NRXN3: variants seen among roughly 807,000 people sequenced by gnomAD.
The protein encoded by NRXN3 is neurexin 3, also known as neurexin III.
In NRXN3, 32 loss-of-function variants were observed where a neutral mutation model predicts 137.6. That is an observed-to-expected ratio of 0.23 (90% confidence interval 0.18 to 0.31). NRXN3 has a LOEUF of 0.31. Among genes scored for constraint, NRXN3 ranks in the 10% least tolerant of loss-of-function variants. The pLI is 1.00. For missense variants in NRXN3, 1,574 were observed against 2,062.5 expected (o/e 0.76, Z 4.59); for synonymous variants, 798 against 784.5 (o/e 1.02, Z -0.29).
At chr14:78,608,365 A>G (rs1483955114) in intron 4 of NRXN3, among the ~76,000 whole-genome samples, 3 of 152,256 alleles carry the variant, frequency 2.0e-5, no homozygotes. Flanking sequence ...TACCATGGTT[A>G]TCATCCAAAG....
At chr14:79,009,794 A>G (rs1036245332) in intron 15 of NRXN3, among the ~76,000 whole-genome samples, 14 of 152,104 alleles carry the variant, frequency 9.2e-5, no homozygotes, top group African/African-American at 3.4e-4. Flanking sequence ...CAGACAGGTG[A>G]CCAGTTCAAC....
At chr14:78,510,357 G>A (rs1226189957) in intron 4 of NRXN3, among the ~76,000 whole-genome samples, 1 of 152,064 alleles carries the variant, frequency 6.6e-6, no homozygotes, top group Non-Finnish European at 1.5e-5. Context: ...GTTATTCAGA[G>A]TTTAATCCTC....
At chr14:78,971,629 T>C (rs1447533575) in intron 14 of NRXN3, among the ~76,000 whole-genome samples, 2 of 152,148 alleles carry the variant, frequency 1.3e-5, no homozygotes, top group African/African-American at 2.4e-5. Context: ...TTATTTATTT[T>C]ATTGATTGAG....
At chr14:78,661,924 C>G (rs922290847) in intron 6 of NRXN3, among the ~76,000 whole-genome samples, 1 of 147,398 alleles carries the variant, frequency 6.8e-6, no homozygotes, top group African/African-American at 2.5e-5. Flanking sequence ...GTGTCTTGCT[C>G]TGTCGTCCAG....
intron 4 of NRXN3, among the ~76,000 whole-genome samples, chr14:78,486,552 C>A (rs1346698271): frequency 2.0e-5 from 3 of 152,102 alleles, no homozygotes; most frequent in Non-Finnish European, 2.9e-5. Context: ...TTAACCCTTG[C>A]GATGGCCTCC....
chr14:78,730,986 C>T (rs1462044015), intron 8 of NRXN3, among the ~76,000 whole-genome samples: 2 of 152,152 alleles, frequency 1.3e-5, no homozygotes, highest in African/African-American at 4.8e-5. Context: ...TCTTTTTCCC[C>T]TTTCTTCCTC....
chr14:78,579,473 C>T (rs184450973), intron 4 of NRXN3, among the ~76,000 whole-genome samples: 30 of 151,632 alleles, frequency 2.0e-4, no homozygotes, highest in East Asian at 1.7e-3. Context: ...TGTTTAAGAC[C>T]GCAGTGAGAT....
At chr14:79,717,608 T>C (rs1265600308) in intron 19 of NRXN3, among the ~76,000 whole-genome samples, 2 of 152,202 alleles carry the variant, frequency 1.3e-5, no homozygotes, top group African/African-American at 2.4e-5. Flanking sequence ...CTTTAAATTA[T>C]AAATGTCTCT....
intron 1 of NRXN3, among the ~76,000 whole-genome samples, chr14:78,177,340 G>A (rs559269460): frequency 6.6e-6 from 1 of 152,258 alleles, no homozygotes; most frequent in Admixed American, 6.5e-5. Flanking sequence ...ACCTTGAATG[G>A]GAGAAGGATT....
chr14:78,830,341 G>A (rs1371042800), intron 10 of NRXN3, among the ~76,000 whole-genome samples: 1 of 152,034 alleles, frequency 6.6e-6, no homozygotes, highest in Non-Finnish European at 1.5e-5. Flanking sequence ...ATATGATAAA[G>A]GTACTTGTCA....
At chr14:78,273,684 A>G (rs932719051) in intron 2 of NRXN3, among the ~76,000 whole-genome samples, 1 of 152,192 alleles carries the variant, frequency 6.6e-6, no homozygotes. Context: ...GTGTGTATAC[A>G]TATGTGTGTA....
chr14:78,901,311 CTATCACA>C (rs1449452308), intron 10 of NRXN3, among the ~76,000 whole-genome samples: 1 of 151,684 alleles, frequency 6.6e-6, no homozygotes, highest in Non-Finnish European at 1.5e-5. Flanking sequence ...TCTTTTTTCT[CTATCACA>C]TATCTTGGCT....
At chr14:79,208,843 G>GA (rs967434164) in intron 15 of NRXN3, among the ~76,000 whole-genome samples, 1 of 152,090 alleles carries the variant, frequency 6.6e-6, no homozygotes, top group Admixed American at 6.6e-5. Context: ...TATACTTTAA[G>GA]AAAAAAATTC....
intron 4 of NRXN3, among the ~76,000 whole-genome samples, chr14:78,341,540 A>C (rs1420850034): frequency 6.6e-6 from 1 of 152,146 alleles, no homozygotes; most frequent in East Asian, 1.9e-4. Context: ...TTCCAGTGAA[A>C]TTTTATTTCC....
At chr14:78,191,916 G>T (rs561129596) in intron 1 of NRXN3, among the ~76,000 whole-genome samples, 5 of 152,192 alleles carry the variant, frequency 3.3e-5, no homozygotes, top group Non-Finnish European at 5.9e-5. Flanking sequence ...CCCTGGTGAG[G>T]GGGGGAGGGT....
In NRXN3 at chr14:79,863,557, C is replaced by T. The variant is rs1394950075; in HGVS notation, c.*1593C>T. On this transcript the variant is annotated 3_prime_UTR_variant, in exon 21 of 21. Transcript: ENST00000335750. The stretch of plus-strand genomic sequence containing the variant: ...CAGATTTTGTTTACATATTTTACTA[C>T]ATTTTTGCTGGTATAATTCCTTAGC... 3 of 151,814 alleles carry T rather than the reference C, an allele frequency of 2.0e-5. No homozygotes were observed. Among genetic ancestry groups the T allele is most frequent in the Admixed American group, 6.6e-5 (1 of 15,178 alleles). The allele number at this position is 151,814 out of a possible 1,614,324, so 9.4% of individuals were successfully genotyped here.
chr14:79,034,231 A>T (rs1227578710), intron 15 of NRXN3, among the ~76,000 whole-genome samples: 3 of 152,044 alleles, frequency 2.0e-5, no homozygotes, highest in Admixed American at 2.0e-4. Flanking sequence ...TTCTACCCTG[A>T]GTAGAGGCCA....
At chr14:79,066,727 A>G (rs2099681228) in intron 15 of NRXN3, among the ~76,000 whole-genome samples, 1 of 152,002 alleles carries the variant, frequency 6.6e-6, no homozygotes, top group African/African-American at 2.4e-5. Context: ...TTCTGTAGTA[A>G]TTGTGAATGG....
At chr14:79,846,840 A>G (rs1048837881) in intron 20 of NRXN3, among the ~76,000 whole-genome samples, 1 of 152,166 alleles carries the variant, frequency 6.6e-6, no homozygotes, top group African/African-American at 2.4e-5. Context: ...AATCATTCAA[A>G]TGTTTATTGA....
Sources: gnomAD v4.1 joint callset for allele counts (sites outside exome capture counted in the v4.1 genomes callset) on GRCh38, gnomAD v4.1.1 for gene constraint, MANE v1.5 for transcripts, NCBI Gene and HGNC (gene_info 2026-07-23, HGNC 2026-07-21) for gene names.